EPHB1: variants seen among roughly 807,000 people sequenced by gnomAD.
EPHB1 encodes the protein EPH receptor B1.
A neutral mutation model predicts 94.4 loss-of-function variants in EPHB1; 30 were observed. The ratio of observed to expected loss-of-function variants is 0.32; its 90% CI spans 0.24 to 0.43. EPHB1 has a LOEUF of 0.43. EPHB1 is among the 20% of genes least tolerant of loss of function. The pLI, the probability that EPHB1 is intolerant of heterozygous loss-of-function variation, is 1.00. For synonymous variants in EPHB1, 522 were observed against 489.1 expected (o/e 1.07, Z -0.89); for missense variants, 1,055 against 1,308.3 (o/e 0.81, Z 2.99).
chr3:134,807,558 G>C (rs1288488841), intron 1 of EPHB1, among the ~76,000 whole-genome samples: 1 of 148,650 alleles, frequency 6.7e-6, no homozygotes, highest in Non-Finnish European at 1.5e-5. Context: ...AGAGGGGAGA[G>C]AGAGAGAGAA....
intron 3 of EPHB1, among the ~76,000 whole-genome samples, chr3:135,080,961 G>A (rs888651843): frequency 3.3e-5 from 5 of 152,170 alleles, no homozygotes; most frequent in Non-Finnish European, 2.9e-5. Context: ...CTCTAGCACA[G>A]TGCTTGGAAC....
intron 3 of EPHB1, among the ~76,000 whole-genome samples, chr3:134,997,409 A>T (rs1486812982): frequency 6.6e-6 from 1 of 152,154 alleles, no homozygotes; most frequent in Non-Finnish European, 1.5e-5. Context: ...TAATTCAGTA[A>T]CATTTTATTA....
intron 1 of EPHB1, among the ~76,000 whole-genome samples, chr3:134,900,032 C>T (rs1272369788): frequency 1.3e-5 from 2 of 152,120 alleles, no homozygotes; most frequent in Non-Finnish European, 2.9e-5. Context: ...GGAGAATGGA[C>T]TTTGGGGCTA....
intron 3 of EPHB1, among the ~76,000 whole-genome samples, chr3:135,065,474 T>TA (rs1937569467): frequency 6.6e-6 from 1 of 152,240 alleles, no homozygotes; most frequent in African/African-American, 2.4e-5. Context: ...TTTGTCTTTT[T>TA]AAAGTTTGTT....
intron 1 of EPHB1, among the ~76,000 whole-genome samples, chr3:134,901,077 ATCT>A (rs917896424): frequency 6.6e-5 from 10 of 152,172 alleles, no homozygotes; most frequent in African/African-American, 2.4e-4. Flanking sequence ...AACTTTTTAA[ATCT>A]TATTATAATT....
intron 12 of EPHB1, among the ~76,000 whole-genome samples, chr3:135,230,264 A>G (rs9860974): frequency 0.71 from 107,439 of 152,058 alleles, 39,725 homozygotes; most frequent in Middle Eastern, 0.88. Context: ...CAGAGGGCCT[A>G]GAGGCTCATT....
At chr3:135,148,545 G>GCAGTGACCAGTGGT (rs1941088919) in intron 5 of EPHB1, among the ~76,000 whole-genome samples, 1 of 151,494 alleles carries the variant, frequency 6.6e-6, no homozygotes, top group Non-Finnish European at 1.5e-5. Context: ...GATACTACTG[G>GCAGTGACCAGTGGT]CAGTGACCAG....
chr3:135,071,101 T>A (rs926054751), intron 3 of EPHB1, among the ~76,000 whole-genome samples: 1 of 152,200 alleles, frequency 6.6e-6, no homozygotes, highest in South Asian at 2.1e-4. Context: ...AGGAGATCCA[T>A]CCAGCCAGTC....
intron 3 of EPHB1, among the ~76,000 whole-genome samples, chr3:135,085,138 G>A (rs751833838): frequency 2.8e-4 from 43 of 152,302 alleles, no homozygotes; most frequent in Middle Eastern, 3.4e-3. Context: ...TAATAATAAT[G>A]ACCCTTATCT....
chr3:134,911,656 G>A (rs2038457968), intron 1 of EPHB1, among the ~76,000 whole-genome samples: 1 of 152,190 alleles, frequency 6.6e-6, no homozygotes, highest in Non-Finnish European at 1.5e-5. Context: ...AGCAGCCTCT[G>A]CATGGCAACA....
chr3:135,249,736 T>A (rs1174285302), intron 15 of EPHB1, among the ~76,000 whole-genome samples: 3 of 152,246 alleles, frequency 2.0e-5, no homozygotes, highest in African/African-American at 7.2e-5. Flanking sequence ...GTCATTTGCC[T>A]AATCACCCAG....
chr3:134,959,036 G>A (rs1933397452), intron 3 of EPHB1, among the ~76,000 whole-genome samples: 1 of 152,196 alleles, frequency 6.6e-6, no homozygotes, highest in Non-Finnish European at 1.5e-5. Context: ...TCCCATGCAT[G>A]AGAGCTGCCC....
intron 1 of EPHB1, among the ~76,000 whole-genome samples, chr3:134,860,155 A>ACACACACACACAGACACG (rs1296981707): frequency 7.2e-5 from 5 of 69,096 alleles, no homozygotes; most frequent in Non-Finnish European, 1.6e-4. Flanking sequence ...GAAGGGACAC[A>ACACACACACACAGACACG]CACACACACA....
chr3:134,965,734 A>G (rs963178116), intron 3 of EPHB1, among the ~76,000 whole-genome samples: 2 of 152,164 alleles, frequency 1.3e-5, no homozygotes, highest in Admixed American at 6.5e-5. Flanking sequence ...ATGTCTAAGC[A>G]GTGCAGCAGC....
intron 3 of EPHB1, among the ~76,000 whole-genome samples, chr3:135,067,298 G>C (rs985109284): frequency 6.6e-6 from 1 of 152,160 alleles, no homozygotes; most frequent in Non-Finnish European, 1.5e-5. Context: ...GAGTGGGTAG[G>C]GAAGGGCAAT....
At chr3:135,098,038 G>T (rs145597247) in intron 3 of EPHB1, among the ~76,000 whole-genome samples, 1 of 151,988 alleles carries the variant, frequency 6.6e-6, no homozygotes, top group Admixed American at 6.6e-5. Context: ...GCCTTCCAAC[G>T]GCAACCCACT....
At chr3:135,059,130 A>T (rs1432746259) in intron 3 of EPHB1, among the ~76,000 whole-genome samples, 1 of 152,260 alleles carries the variant, frequency 6.6e-6, no homozygotes, top group Non-Finnish European at 1.5e-5. Context: ...CCCGATGTGC[A>T]GCAGATTCTT....
chr3:135,026,459 A>G (rs1446139240), intron 3 of EPHB1, among the ~76,000 whole-genome samples: 2 of 149,844 alleles, frequency 1.3e-5, no homozygotes, highest in African/African-American at 5.0e-5. Context: ...AGCACCATTT[A>G]TTAAATAGGG....
chr3:135,195,281 C>A (rs544161893), intron 11 of EPHB1, among the ~76,000 whole-genome samples: 2 of 151,968 alleles, frequency 1.3e-5, no homozygotes, highest in South Asian at 4.2e-4. Context: ...CATGAGCCTG[C>A]GGAAAATCAA....
Sources: allele counts gnomAD v4.1 joint callset (sites outside exome capture counted in the v4.1 genomes callset), GRCh38; gene constraint gnomAD v4.1.1; transcripts MANE v1.5; gene names NCBI Gene and HGNC (gene_info 2026-07-23, HGNC 2026-07-21).